The following PRKG1 variants were observed in gnomAD, a reference collection of about 807,000 sequenced individuals.
The protein encoded by PRKG1 is cGMP-dependent protein kinase 1.
PRKG1 carries 35 observed loss-of-function variants against 88.1 expected under a neutral mutation model. The observed-to-expected ratio is 0.40, with a 90% CI of 0.30 to 0.53. The LOEUF is 0.53. PRKG1 is among the 20% of genes least tolerant of loss of function. The pLI is 0.59. For synonymous variants in PRKG1, 303 were observed against 292.5 expected, an observed-to-expected ratio of 1.04 and a Z score of -0.37; for missense variants, 540 against 839.8, an observed-to-expected ratio of 0.64 and a Z score of 4.41.
At chr10:51,269,577 A>G (rs1446527491) in intron 2 of PRKG1, among the ~76,000 whole-genome samples, 1 of 152,224 alleles carries the variant, frequency 6.6e-6, no homozygotes, top group Non-Finnish European at 1.5e-5. Context: ...ACTTGGATGG[A>G]GTTGGAGACC....
intron 3 of PRKG1, among the ~76,000 whole-genome samples, chr10:51,703,239 A>T (rs1283997132): frequency 6.6e-6 from 1 of 152,212 alleles, no homozygotes; most frequent in Non-Finnish European, 1.5e-5. Flanking sequence ...TTTTAAAAAA[A>T]GATTCACTAT....
chr10:51,308,239 A>G (rs1465546686), intron 2 of PRKG1, among the ~76,000 whole-genome samples: 1 of 152,154 alleles, frequency 6.6e-6, no homozygotes, highest in African/African-American at 2.4e-5. Flanking sequence ...TTGTGGTGGC[A>G]GGGAAACTGG....
chr10:51,730,358 C>T (rs990650431), intron 3 of PRKG1, among the ~76,000 whole-genome samples: 1 of 152,178 alleles, frequency 6.6e-6, no homozygotes, highest in Non-Finnish European at 1.5e-5. Flanking sequence ...GAAGTGCAAA[C>T]ATGAATGACA....
intron 3 of PRKG1, among the ~76,000 whole-genome samples, chr10:51,538,172 AT>A (rs1224785933): frequency 1.3e-5 from 2 of 152,074 alleles, no homozygotes; most frequent in Non-Finnish European, 2.9e-5. Flanking sequence ...TCAAACAATA[AT>A]GTGTTTGTCC....
intron 3 of PRKG1, among the ~76,000 whole-genome samples, chr10:51,749,116 G>A (rs1837653387): frequency 6.6e-6 from 1 of 152,092 alleles, no homozygotes; most frequent in Non-Finnish European, 1.5e-5. Context: ...AACAAGATAA[G>A]ATTGTGAAAC....
chr10:51,601,453 G>A (rs566027743), intron 3 of PRKG1, among the ~76,000 whole-genome samples: 61 of 152,218 alleles, frequency 4.0e-4, no homozygotes, highest in Non-Finnish European at 5.9e-4. Context: ...GAAGAATTGC[G>A]TCTGTAAACA....
At chr10:51,346,047 A>C (rs1158016234) in intron 2 of PRKG1, among the ~76,000 whole-genome samples, 2 of 152,174 alleles carry the variant, frequency 1.3e-5, no homozygotes, top group Non-Finnish European at 2.9e-5. Flanking sequence ...ATAAATGGTT[A>C]CTTGATCATT....
At chr10:51,395,918 A>C (rs932052158) in intron 2 of PRKG1, among the ~76,000 whole-genome samples, 1 of 152,252 alleles carries the variant, frequency 6.6e-6, no homozygotes, top group Non-Finnish European at 1.5e-5. Context: ...TATTCTACCA[A>C]GTTACTCTGT....
At chr10:51,718,175 G>C (rs1486027856) in intron 3 of PRKG1, among the ~76,000 whole-genome samples, 1 of 152,238 alleles carries the variant, frequency 6.6e-6, no homozygotes, top group Admixed American at 6.5e-5. Context: ...TGGCTACTAT[G>C]TAAAGAATAT....
Position 51,280,312 on chromosome 10 carries a change from T to A in PRKG1, c.478+126982T>A, listed in dbSNP as rs563973187. On this transcript the variant is annotated intron_variant, in intron 2 of 17. Coordinates refer to ENST00000373980, the MANE Select transcript of PRKG1 (RefSeq NM_006258.4). ...CTGGCTGCCCTTAACATTTTTTCCT[T>A]CATTTCAACTTTGGTGAATCTGACA... Among the ~76,000 whole-genome samples the A allele has an allele frequency of 3.9e-5, 6 of 152,334 alleles. No individual in the cohort carries two copies. In the South Asian group the frequency reaches 1.2e-3, roughly 32 times the overall value.
chr10:51,752,240 T>C (rs934688985), intron 3 of PRKG1, among the ~76,000 whole-genome samples: 1 of 152,232 alleles, frequency 6.6e-6, no homozygotes, highest in African/African-American at 2.4e-5. Flanking sequence ...TTCTCTTCTA[T>C]GTTGGATCAT....
chr10:51,544,970 C>G (rs1188217607), intron 3 of PRKG1, among the ~76,000 whole-genome samples: 1 of 151,870 alleles, frequency 6.6e-6, no homozygotes, highest in Non-Finnish European at 1.5e-5. Flanking sequence ...AAATGCAAAT[C>G]AAAACCACAA....
chr10:52,123,562 T>C (rs974206384), intron 7 of PRKG1, among the ~76,000 whole-genome samples: 5 of 152,170 alleles, frequency 3.3e-5, no homozygotes, highest in Admixed American at 6.5e-5. Context: ...CATTGCTCCT[T>C]TATTTTACAT....
At chr10:51,979,480 C>T (rs547385699) in intron 5 of PRKG1, among the ~76,000 whole-genome samples, 1 of 131,584 alleles carries the variant, frequency 7.6e-6, no homozygotes, top group Non-Finnish European at 1.6e-5. Context: ...ACGCTGGCCT[C>T]ATAGAATGAG....
In PRKG1 at chr10:51,200,462, A is replaced by G. The variant is rs535666795; in HGVS notation, c.478+47132A>G. On this transcript the variant is annotated intron_variant, in intron 2 of 17. Transcript: ENST00000373980. ...ACTTCACAGCTAAAATGATAGAGAC[A>G]TAGAAAATGATTTTGAATAGGGGCT... Among the ~76,000 whole-genome samples the G allele has an allele frequency of 7.2e-5, 11 of 152,362 alleles. No homozygotes were observed. The East Asian group carries it at 2.1e-3, about 29-fold the overall frequency.
intron 4 of PRKG1, among the ~76,000 whole-genome samples, chr10:51,862,900 A>G (rs1311015026): frequency 6.6e-6 from 1 of 152,180 alleles, no homozygotes; most frequent in Non-Finnish European, 1.5e-5. Context: ...TAAGTGCTCA[A>G]ATATCACCAA....
At chr10:51,120,412 C>T (rs1288665560) in intron 1 of PRKG1, among the ~76,000 whole-genome samples, 1 of 152,054 alleles carries the variant, frequency 6.6e-6, no homozygotes, top group Non-Finnish European at 1.5e-5. Flanking sequence ...TGAAGTCAAT[C>T]TTCACATATA....
chr10:52,298,033 T>A lies in PRKG1; in HGVS notation c.*4133T>A, dbSNP rs1842415743. The A allele has an allele frequency of 1.3e-5, 2 of 152,154 alleles. No homozygotes were observed. 9.4% of individuals were successfully genotyped at this position (152,154 alleles called of 1,614,324 possible). ...TTGGGGCTTTCTGAGTAAAGGGACA[T>A]TTCTTTAAGCATCATCTATCAAATT... On this transcript the variant is annotated 3_prime_UTR_variant, in exon 18 of 18. Coordinates refer to ENST00000373980, the MANE Select transcript of PRKG1 (RefSeq NM_006258.4).
At chr10:52,217,065 C>T (rs1260199074) in intron 9 of PRKG1, among the ~76,000 whole-genome samples, 2 of 152,110 alleles carry the variant, frequency 1.3e-5, no homozygotes, top group Non-Finnish European at 2.9e-5. Context: ...TGTGTGGGAA[C>T]TGTTCAGAGC....
Sources: allele counts gnomAD v4.1 joint callset (sites outside exome capture counted in the v4.1 genomes callset), GRCh38; gene constraint gnomAD v4.1.1; transcripts MANE v1.5; gene names NCBI Gene and HGNC (gene_info 2026-07-23, HGNC 2026-07-21).